C8orf34: variants seen among roughly 807,000 people sequenced by gnomAD.
C8orf34 encodes chromosome 8 open reading frame 34.
Under a neutral mutation model 68.3 loss-of-function variants are expected in C8orf34, and 65 were observed. The ratio of observed to expected loss-of-function variants is 0.95; its 90% CI spans 0.78 to 1.17. The LOEUF (loss-of-function observed/expected upper bound fraction) is 1.17, where lower values mean the gene tolerates loss of function less well. C8orf34 is among the 50% of genes most tolerant of loss of function. C8orf34 has a pLI of 0.00. For synonymous variants in C8orf34, 244 were observed against 241.2 expected (o/e 1.01, Z -0.11); for missense variants, 664 against 655.4 (o/e 1.01, Z -0.14).
At chr8:68,680,492 G>A (rs1820336036) in intron 8 of C8orf34, among the ~76,000 whole-genome samples, 1 of 152,166 alleles carries the variant, frequency 6.6e-6, no homozygotes, top group African/African-American at 2.4e-5. Flanking sequence ...GCCCCCCTGA[G>A]CCTCAAACCA....
chr8:68,484,820 C>T (rs1246650154), intron 4 of C8orf34, among the ~76,000 whole-genome samples: 3 of 151,934 alleles, frequency 2.0e-5, no homozygotes, highest in Admixed American at 6.6e-5. Flanking sequence ...AAAAAATGCC[C>T]TAGGCAATTT....
intron 7 of C8orf34, among the ~76,000 whole-genome samples, chr8:68,623,212 C>T (rs1263880282): frequency 2.6e-5 from 4 of 152,120 alleles, no homozygotes; most frequent in African/African-American, 9.7e-5. Context: ...AAAAGAGTTG[C>T]CCAGTCCTCA....
chr8:68,600,799 T>A (rs1817675616), intron 7 of C8orf34, among the ~76,000 whole-genome samples: 1 of 152,168 alleles, frequency 6.6e-6, no homozygotes, highest in Non-Finnish European at 1.5e-5. Flanking sequence ...TGTTTTGAAA[T>A]ATACAATATG....
At chr8:68,624,659 C>G (rs1447211001) in intron 7 of C8orf34, among the ~76,000 whole-genome samples, 1 of 151,626 alleles carries the variant, frequency 6.6e-6, no homozygotes, top group Non-Finnish European at 1.5e-5. Flanking sequence ...AACTAGTGTG[C>G]TTTGATATTT....
intron 1 of C8orf34, among the ~76,000 whole-genome samples, chr8:68,376,284 T>TG (rs11384681): frequency 0.61 from 92,820 of 151,780 alleles, 28,724 homozygotes; most frequent in African/African-American, 0.68. Context: ...AGCTTATAAA[T>TG]GGGGGGTCTT....
chr8:68,769,926 A>C (rs1004732418), intron 10 of C8orf34, among the ~76,000 whole-genome samples: 1 of 152,180 alleles, frequency 6.6e-6, no homozygotes, highest in Admixed American at 6.5e-5. Context: ...TCAAGGGAGC[A>C]CATGAAGATT....
At chr8:68,466,412 T>G (rs1264931079) in intron 3 of C8orf34, among the ~76,000 whole-genome samples, 1 of 152,068 alleles carries the variant, frequency 6.6e-6, no homozygotes, top group African/African-American at 2.4e-5. Context: ...TTGATATTAT[T>G]ATGATTAATT....
intron 1 of C8orf34, among the ~76,000 whole-genome samples, chr8:68,337,214 A>G (rs1805888630): frequency 6.6e-6 from 1 of 152,232 alleles, no homozygotes; most frequent in Admixed American, 6.5e-5. Flanking sequence ...AAAGGGAAAA[A>G]GTGACTTTAC....
At chr8:68,792,578 A>G (rs1824038955) in intron 12 of C8orf34, 1 of 68,536 alleles carries the variant, frequency 1.5e-5, no homozygotes, top group South Asian at 4.5e-4. Flanking sequence ...TCTCAAAAAA[A>G]AAAAAAAAAA....
At chr8:68,531,836 TG>T (rs1462209717) in intron 6 of C8orf34, among the ~76,000 whole-genome samples, 6 of 152,138 alleles carry the variant, frequency 3.9e-5, no homozygotes, top group Non-Finnish European at 8.8e-5. Flanking sequence ...ACCTGAGGGC[TG>T]GAGGAACAGC....
At chr8:68,613,448 C>CG (rs538433382) in intron 7 of C8orf34, among the ~76,000 whole-genome samples, 14 of 150,580 alleles carry the variant, frequency 9.3e-5, no homozygotes, top group African/African-American at 3.0e-4. Flanking sequence ...CCCCCTCCCC[C>CG]CACACAACAG....
At chr8:68,340,384 G>T (rs1806021443) in intron 1 of C8orf34, among the ~76,000 whole-genome samples, 1 of 152,116 alleles carries the variant, frequency 6.6e-6, no homozygotes, top group Non-Finnish European at 1.5e-5. Flanking sequence ...AGAGGAAAAT[G>T]AGATGAAATA....
At chr8:68,428,563 C>T (rs1222211399) in intron 1 of C8orf34, among the ~76,000 whole-genome samples, 1 of 151,824 alleles carries the variant, frequency 6.6e-6, no homozygotes. Context: ...GTCTGTCTGA[C>T]TTTAAGACTA....
chr8:68,776,105 T>C (rs534470393), intron 10 of C8orf34, among the ~76,000 whole-genome samples: 54 of 152,358 alleles, frequency 3.5e-4, no homozygotes, highest in Non-Finnish European at 6.9e-4. Flanking sequence ...CCATGGCACA[T>C]GTTTACCTAT....
In C8orf34 at chr8:68,606,596, T is replaced by C. The variant is rs185552634; in HGVS notation, c.1106-33780T>C. Among the ~76,000 whole-genome samples the C allele has an allele frequency of 2.2e-3, 342 of 152,236 alleles. 1 individual carries two copies. Among genetic ancestry groups the C allele is most frequent in the Non-Finnish European group, 3.2e-3 (216 of 68,000 alleles). On this transcript the variant is annotated intron_variant, in intron 7 of 13. Coordinates refer to ENST00000518698, the MANE Select transcript of C8orf34 (RefSeq NM_052958.4). ...TACTTGTTGGTATTAGGTTTGGATC[T>C]AGTGAGATTAATGTCATCCAATAAA...
chr8:68,602,717 G>A lies in C8orf34; in HGVS notation c.1106-37659G>A, dbSNP rs564309013. Among the ~76,000 whole-genome samples the A allele has an allele frequency of 2.0e-5, 3 of 152,166 alleles. No individual in the cohort carries two copies. In the East Asian group the frequency reaches 5.8e-4, roughly 30 times the overall value. On this transcript the variant is annotated intron_variant, in intron 7 of 13. Transcript: ENST00000518698. ...TTATTAAGTCTAATTGCTGCCAGAT[G>A]TGTGGGATGGAGGCTCAGCTCGTAC...
chr8:68,456,918 G>A (rs1811578264), intron 3 of C8orf34, among the ~76,000 whole-genome samples: 1 of 152,196 alleles, frequency 6.6e-6, no homozygotes, highest in African/African-American at 2.4e-5. Context: ...CCTATTGTAT[G>A]GAATGGTTGC....
chr8:68,575,956 G>GGTTTTTTTTTTTTTTT (rs747862590), intron 7 of C8orf34, among the ~76,000 whole-genome samples: 1 of 96,346 alleles, frequency 1.0e-5, no homozygotes, highest in African/African-American at 3.6e-5. Context: ...GTAGATGGTT[G>GGTTTTTTTTTTTTTTT]TTTTTTTTTT....
At chr8:68,440,634 G>A (rs928825314) in intron 2 of C8orf34, among the ~76,000 whole-genome samples, 4 of 152,046 alleles carry the variant, frequency 2.6e-5, no homozygotes, top group African/African-American at 9.7e-5. Context: ...AACTTTCTTG[G>A]GTTTAGATTC....
Sources: gnomAD v4.1 joint callset for allele counts (sites outside exome capture counted in the v4.1 genomes callset) on GRCh38, gnomAD v4.1.1 for gene constraint, MANE v1.5 for transcripts, NCBI Gene and HGNC (gene_info 2026-07-23, HGNC 2026-07-21) for gene names.